The following SH3BGRL2 variants were observed in gnomAD, a reference collection of about 807,000 sequenced individuals.
SH3BGRL2 encodes SH3 domain-binding glutamic acid-rich-like protein 2.
SH3BGRL2 carries 21 observed loss-of-function variants against 14.8 expected under a neutral mutation model. The ratio of observed to expected loss-of-function variants is 1.42; its 90% CI spans 1.01 to 2.05. The LOEUF is 2.05. Ranked by LOEUF, SH3BGRL2 falls within the 30% of genes most tolerant of loss-of-function variation. The pLI, the probability that SH3BGRL2 is intolerant of heterozygous loss-of-function variation, is 0.00. For missense variants in SH3BGRL2, 147 were observed against 130.8 expected (o/e 1.12, Z -0.61); for synonymous variants, 50 against 47.8 (o/e 1.05, Z -0.19).
chr6:79,537,643 G>A, the SH3BGRL2 span, among the ~76,000 whole-genome samples: 6 of 152,298 alleles, frequency 3.9e-5, no homozygotes, highest in East Asian at 1.2e-3. Flanking sequence ...AGGCTCCTAC[G>A]GGCTGTGCGG....
Position 79,700,098 on chromosome 6 carries a change from A to G in SH3BGRL2, c.*589A>G, listed in dbSNP as rs1369842303. 1 of 152,260 alleles carries G rather than the reference A, an allele frequency of 6.6e-6. No individual in the cohort carries two copies. Among genetic ancestry groups the G allele is most frequent in the Non-Finnish European group, 1.5e-5 (1 of 68,080 alleles). The allele number at this position is 152,260 out of a possible 1,614,324, so 9.4% of individuals were successfully genotyped here. On this transcript the variant is annotated 3_prime_UTR_variant, in exon 4 of 4. Coordinates refer to ENST00000369838, the MANE Select transcript of SH3BGRL2 (RefSeq NM_031469.4). ...TTTAGTAATGGAAACTCTTACCTCC[A>G]CATATTATCCTACAGATGTTTCCAG... is the stretch of plus-strand genomic sequence containing the variant.
chr6:79,615,832 C>CTTTTTTTTT, the SH3BGRL2 span, among the ~76,000 whole-genome samples: 1 of 109,238 alleles, frequency 9.2e-6, no homozygotes. Flanking sequence ...TTTTTTCTTT[C>CTTTTTTTTT]TTTTTTTTTT....
the SH3BGRL2 span, among the ~76,000 whole-genome samples, chr6:79,607,731 G>A: frequency 6.6e-6 from 1 of 152,242 alleles, no homozygotes; most frequent in South Asian, 2.1e-4. Context: ...GATCACCTGA[G>A]GTCAGGAGTT....
At chr6:79,655,822 G>A (rs1359404897) in intron 1 of SH3BGRL2, among the ~76,000 whole-genome samples, 4 of 152,256 alleles carry the variant, frequency 2.6e-5, no homozygotes, top group South Asian at 2.1e-4. Flanking sequence ...AGATTCTTGA[G>A]CCCCATTCCA....
At chr6:79,569,738 A>G in the SH3BGRL2 span, among the ~76,000 whole-genome samples, 1 of 152,166 alleles carries the variant, frequency 6.6e-6, no homozygotes, top group African/African-American at 2.4e-5. Flanking sequence ...TTTGGTTTAC[A>G]TATGTATTAA....
intron 1 of SH3BGRL2, among the ~76,000 whole-genome samples, chr6:79,643,444 C>G (rs1330455812): frequency 1.3e-5 from 2 of 152,140 alleles, no homozygotes; most frequent in Non-Finnish European, 2.9e-5. Context: ...GGTCTCCACT[C>G]AGCTGCTGAG....
At chr6:79,613,904 G>A in the SH3BGRL2 span, among the ~76,000 whole-genome samples, 15 of 152,202 alleles carry the variant, frequency 9.9e-5, no homozygotes, top group East Asian at 7.8e-4. Flanking sequence ...CACCATGCCC[G>A]GCCTGAAAAG....
intron 1 of SH3BGRL2, among the ~76,000 whole-genome samples, chr6:79,637,210 G>A (rs1325577926): frequency 6.6e-6 from 1 of 152,072 alleles, no homozygotes; most frequent in African/African-American, 2.4e-5. Flanking sequence ...GTACATTTTA[G>A]TATTTCCCAG....
the SH3BGRL2 span, among the ~76,000 whole-genome samples, chr6:79,557,176 AT>A: frequency 6.6e-6 from 1 of 151,880 alleles, no homozygotes; most frequent in Admixed American, 6.5e-5. Flanking sequence ...TATTATATAG[AT>A]TTCAACAAAT....
chr6:79,611,586 T>G, the SH3BGRL2 span, among the ~76,000 whole-genome samples: 12 of 152,088 alleles, frequency 7.9e-5, no homozygotes, highest in South Asian at 2.3e-3. Flanking sequence ...AATTTCTGTG[T>G]TTTTTAGTAG....
At chr6:79,698,931 G>A (rs1027525664) in intron 3 of SH3BGRL2, among the ~76,000 whole-genome samples, 2 of 152,170 alleles carry the variant, frequency 1.3e-5, no homozygotes, top group African/African-American at 4.8e-5. Flanking sequence ...TGTACTTTCA[G>A]ATCCCTAGCT....
chr6:79,693,526 C>T (rs946169310), intron 2 of SH3BGRL2, among the ~76,000 whole-genome samples: 16 of 150,686 alleles, frequency 1.1e-4, no homozygotes, highest in Non-Finnish European at 1.8e-4. Flanking sequence ...TTTTGAGATA[C>T]GTCCCATCAA....
chr6:79,590,424 G>GATAGATATATATATAT, the SH3BGRL2 span, among the ~76,000 whole-genome samples: 1 of 66,666 alleles, frequency 1.5e-5, no homozygotes, highest in Non-Finnish European at 2.7e-5. Context: ...AAGAAAATGT[G>GATAGATATATATATAT]ATATATATAT....
the SH3BGRL2 span, among the ~76,000 whole-genome samples, chr6:79,545,034 C>A: frequency 6.6e-6 from 1 of 152,270 alleles, no homozygotes; most frequent in South Asian, 2.1e-4. Flanking sequence ...CCCTCTAGTT[C>A]TATTTCTGGC....
upstream of SH3BGRL2, among the ~76,000 whole-genome samples, chr6:79,626,361 C>T (rs1427215143): frequency 6.6e-6 from 1 of 152,128 alleles, no homozygotes; most frequent in Non-Finnish European, 1.5e-5. Flanking sequence ...TATTTACGTT[C>T]CCTGATTCCC....
chr6:79,615,941 G>C, the SH3BGRL2 span, among the ~76,000 whole-genome samples: 70,994 of 149,504 alleles, frequency 0.47, 17,108 homozygotes, highest in East Asian at 0.77. Flanking sequence ...CTCAGCCTCC[G>C]GAGTAGCTGG....
the SH3BGRL2 span, among the ~76,000 whole-genome samples, chr6:79,567,730 T>C: frequency 6.6e-6 from 1 of 152,128 alleles, no homozygotes; most frequent in Non-Finnish European, 1.5e-5. Flanking sequence ...ATCTGCAAAG[T>C]AAAAGAGATA....
At chr6:79,605,264 C>A in the SH3BGRL2 span, among the ~76,000 whole-genome samples, 1 of 152,262 alleles carries the variant, frequency 6.6e-6, no homozygotes, top group South Asian at 2.1e-4. Flanking sequence ...TCCGGGTGAG[C>A]CCAGCCTGCA....
At chr6:79,696,097 A>G (rs1296883392) in intron 2 of SH3BGRL2, among the ~76,000 whole-genome samples, 1 of 152,198 alleles carries the variant, frequency 6.6e-6, no homozygotes, top group African/African-American at 2.4e-5. Flanking sequence ...TCAAAACCCT[A>G]GATAACAAAA....
Sources: gnomAD v4.1 joint callset for allele counts (sites outside exome capture counted in the v4.1 genomes callset) on GRCh38, gnomAD v4.1.1 for gene constraint, MANE v1.5 for transcripts, NCBI Gene and HGNC (gene_info 2026-07-23, HGNC 2026-07-21) for gene names.